Variants in TGM4 observed in about 807,000 individuals in gnomAD.
TGM4 encodes the protein transglutaminase 4, also known as protein-glutamine gamma-glutamyltransferase 4.
In TGM4, 61 loss-of-function variants were observed where a neutral mutation model predicts 76.3. The observed-to-expected ratio is 0.80, with a 90% CI of 0.65 to 0.99. The LOEUF (loss-of-function observed/expected upper bound fraction) is 0.99, where lower values mean the gene tolerates loss of function less well. Ranked by LOEUF, TGM4 falls within the 50% of genes least tolerant of loss-of-function variation. TGM4 has a pLI of 0.00. For missense variants in TGM4, 794 were observed against 843.2 expected (o/e 0.94, Z 0.72); for synonymous variants, 337 against 329.8 (o/e 1.02, Z -0.24).
In TGM4 at chr3:44,911,964, G is replaced by A. The variant is rs1188855498; in HGVS notation, c.1913+558G>A. 2.0e-5 allele frequency among the ~76,000 whole-genome samples: 3 copies of A among 152,164 alleles called. No individual in the cohort carries two copies. In the South Asian group the frequency reaches 6.2e-4, roughly 32 times the overall value. On this transcript the variant is annotated intron_variant, in intron 13 of 13. Transcript: ENST00000296125. ...TCCTGCCTTGGCCTCCTGAGTAGCT[G>A]GGATTACAGGCATATGCCACCACAC...
At chr3:44,881,827 G>A (rs561097987) in intron 1 of TGM4, among the ~76,000 whole-genome samples, 1 of 152,150 alleles carries the variant, frequency 6.6e-6, no homozygotes, top group Non-Finnish European at 1.5e-5. Context: ...ATAGGCAAAA[G>A]TTATAGCAAA....
rs1405679042 is a variant in TGM4, at chr3:44,906,969, T to C, written c.1096T>C (p.Ser366Pro). 3 of 1,614,020 alleles carry C rather than the reference T, an allele frequency of 1.9e-6. No individual in the cohort carries two copies. The highest frequency in any genetic ancestry group is 1.7e-5 in the Admixed American group (1 of 60,002). Residue 366 changes from serine to proline, a missense_variant, in exon 10 of 14, where the codon TCA becomes CCA. By Grantham distance (74) the Ser-to-Pro change is moderately conservative. Coordinates refer to ENST00000296125, the MANE Select transcript of TGM4 (RefSeq NM_003241.4). ...RSQGVFCCGP[S>P]PLTAIRKGDI... ...CTCAGGTGTCTTCTGCTGTGGGCCA[T>C]CACCACTGACCGCCATCCGCAAAGG...
At chr3:44,909,194 T>A (rs1229039868) in intron 10 of TGM4, among the ~76,000 whole-genome samples, 2 of 152,222 alleles carry the variant, frequency 1.3e-5, no homozygotes, top group Non-Finnish European at 2.9e-5. Context: ...TTCAATGCTC[T>A]GGCAGGCAAT....
intron 6 of TGM4, 126 bp downstream of exon 6, chr3:44,896,942 T>C (rs1192091186): frequency 4.7e-6 from 3 of 637,570 alleles, no homozygotes. Flanking sequence ...AATCAATTGT[T>C]CAAAACTATT....
rs117987427 is a variant in TGM4, at chr3:44,908,809, T to G, written c.1328-1281T>G. 5.3e-4 allele frequency among the ~76,000 whole-genome samples: 80 copies of G among 152,302 alleles called. 5 individuals carry two copies. The East Asian group carries it at 0.014, about 28-fold the overall frequency. On this transcript the variant is annotated intron_variant, in intron 10 of 13. Coordinates refer to ENST00000296125, the MANE Select transcript of TGM4 (RefSeq NM_003241.4). ...TAGTAGGTTCAATGTCAGGGCTTCC[T>G]TAGGGACAGTTTTTATTGACTGTTT...
At chr3:44,880,433 C>T (rs79144582) in intron 1 of TGM4, among the ~76,000 whole-genome samples, 2,974 of 152,214 alleles carry the variant, frequency 0.02, 49 homozygotes, top group Middle Eastern at 0.065. Context: ...TTTTCATAAC[C>T]GGTATGCATT....
intron 12 of TGM4, 26 bp downstream of exon 12, chr3:44,911,153 G>A (rs1700000249): frequency 1.2e-6 from 2 of 1,611,436 alleles, no homozygotes; most frequent in Non-Finnish European, 1.7e-6. Flanking sequence ...GCCATAAAGG[G>A]CTCCTTCTGC....
At position 44,890,704 on chromosome 3, in the gene TGM4, A is replaced by T; in HGVS notation, c.402A>T (p.Leu134=). The change falls in exon 4 of 14, where the codon CTA becomes CTT. Residue 134 remains leucine, a synonymous_variant. Transcript: ENST00000296125. ...NHILKSEENI[L]YLLFNPWCKE... is the part of the protein sequence containing the mutation. ...TCCTTAAGTCTGAAGAAAACATCCT[A>T]TACCTTCTCTTCAACCCATGGTGTA... 1.9e-6 allele frequency: 3 copies of T among 1,614,190 alleles called. No individual in the cohort carries two copies. The highest frequency in any genetic ancestry group is 2.5e-6 in the Non-Finnish European group (3 of 1,180,016).
At chr3:44,890,368 G>C (rs1433005251) in intron 3 of TGM4, 4 of 482,822 alleles carry the variant, frequency 8.3e-6, no homozygotes, top group African/African-American at 1.9e-5. Context: ...AGTCTCTCCA[G>C]GGCCCTTGCA....
intron 5 of TGM4, among the ~76,000 whole-genome samples, chr3:44,893,933 C>CGGCTCTCTCCCCCCCCCCCT (rs1699739580): frequency 4.4e-5 from 4 of 91,936 alleles, no homozygotes; most frequent in Non-Finnish European, 4.6e-5. Context: ...ATCCACCCCA[C>CGGCTCTCTCCCCCCCCCCCT]GGCTCTCTCC....
At position 44,910,389 on chromosome 3, in the gene TGM4, A is replaced by T. The variant is rs529296278; in HGVS notation, c.1606+21A>T. On this transcript the variant is annotated intron_variant, in intron 11 of 13. Coordinates refer to ENST00000296125, the MANE Select transcript of TGM4 (RefSeq NM_003241.4). Reference sequence around the variant, plus strand: ...TCAAGGTACCAGAACCAGAGGGAGGAGAGGCCTCAAGTGGGCTCAGGGTCC... The same window carrying T: ...TCAAGGTACCAGAACCAGAGGGAGGTGAGGCCTCAAGTGGGCTCAGGGTCC... The T allele has an allele frequency of 1.9e-6, 3 of 1,607,632 alleles. No individual in the cohort carries two copies. The South Asian group carries it at 3.3e-5, about 18-fold the overall frequency.
intron 9 of TGM4, 96 bp downstream of exon 9, chr3:44,904,083 G>GA: frequency 8.9e-7 from 1 of 1,117,920 alleles, no homozygotes; most frequent in Non-Finnish European, 1.3e-6. Context: ...AGCAGGTGGG[G>GA]AAAGTTTTCA....
intron 5 of TGM4, among the ~76,000 whole-genome samples, chr3:44,895,337 C>G (rs949716455): frequency 1.3e-5 from 2 of 151,422 alleles, no homozygotes; most frequent in Admixed American, 1.3e-4. Flanking sequence ...TTAAGAAGCC[C>G]AAAGAGTGAC....
intron 1 of TGM4, among the ~76,000 whole-genome samples, chr3:44,883,048 C>G (rs1212199405): frequency 6.6e-6 from 1 of 152,192 alleles, no homozygotes; most frequent in African/African-American, 2.4e-5. Context: ...CCCTTGGGAA[C>G]CCAGGTCACC....
intron 9 of TGM4, among the ~76,000 whole-genome samples, chr3:44,905,639 C>T (rs1699911901): frequency 6.6e-6 from 1 of 152,222 alleles, no homozygotes; most frequent in Admixed American, 6.5e-5. Flanking sequence ...TTTGCGGGCT[C>T]CACCCATCAG....
chr3:44,876,485 T>C (rs1440844100), intron 1 of TGM4: 1 of 152,190 alleles, frequency 6.6e-6, no homozygotes, highest in Non-Finnish European at 1.5e-5. Flanking sequence ...GGGATAAAGG[T>C]AGGATTTCAT....
chr3:44,891,528 C>G (rs1338266982), intron 4 of TGM4, among the ~76,000 whole-genome samples: 1 of 152,150 alleles, frequency 6.6e-6, no homozygotes, highest in East Asian at 1.9e-4. Flanking sequence ...CACACACACA[C>G]ACACACACAC....
chr3:44,887,846 C>T lies in TGM4; in HGVS notation c.300+51C>T. The T allele has an allele frequency of 1.4e-5, 22 of 1,534,374 alleles. 1 individual carries two copies. The Middle Eastern group carries it at 3.7e-3, about 260-fold the overall frequency. ...GGGCTGGCTGGCTTCTGGCGGAATG[C>T]TCCTAATGTGAGCAGCCCCTATCCC... On this transcript the variant is annotated intron_variant, in intron 3 of 13. Coordinates refer to ENST00000296125, the MANE Select transcript of TGM4 (RefSeq NM_003241.4).
intron 5 of TGM4, among the ~76,000 whole-genome samples, chr3:44,894,028 C>A (rs1699743316): frequency 1.2e-5 from 1 of 83,254 alleles, no homozygotes; most frequent in African/African-American, 4.9e-5. Flanking sequence ...CTCTCCCACC[C>A]CCCTTGACTC....
Sources: allele counts gnomAD v4.1 joint callset (sites outside exome capture counted in the v4.1 genomes callset), GRCh38; gene constraint gnomAD v4.1.1; transcripts MANE v1.5; gene names NCBI Gene and HGNC (gene_info 2026-07-23, HGNC 2026-07-21).